Variants in AGBL1 observed in about 807,000 individuals in gnomAD.
The protein encoded by AGBL1 is AGBL carboxypeptidase 1, also known as cytosolic carboxypeptidase 4.
In AGBL1, 130 loss-of-function variants were observed where a neutral mutation model predicts 118.9. The ratio of observed to expected loss-of-function variants is 1.09; its 90% CI spans 0.95 to 1.26. The LOEUF is 1.26. Among genes scored for constraint, AGBL1 ranks in the 50% most tolerant of loss-of-function variants. The pLI, the probability that AGBL1 is intolerant of heterozygous loss-of-function variation, is 0.00. For missense variants in AGBL1, 1,584 were observed against 1,298.1 expected, an observed-to-expected ratio of 1.22 and a Z score of -3.38; for synonymous variants, 555 against 478.9, an observed-to-expected ratio of 1.16 and a Z score of -2.08.
intron 21 of AGBL1, among the ~76,000 whole-genome samples, chr15:86,607,357 T>G (rs1435306309): frequency 6.6e-6 from 1 of 152,246 alleles, no homozygotes; most frequent in African/African-American, 2.4e-5. Context: ...TGAATGAACC[T>G]CCTCTTGAAT....
chr15:86,148,134 G>A (rs372437621), intron 3 of AGBL1, among the ~76,000 whole-genome samples: 1 of 152,312 alleles, frequency 6.6e-6, no homozygotes, highest in East Asian at 1.9e-4. Context: ...GATCACCAAC[G>A]TCAAAGACCA....
At chr15:86,614,804 G>C (rs1353131024) in intron 21 of AGBL1, among the ~76,000 whole-genome samples, 1 of 152,186 alleles carries the variant, frequency 6.6e-6, no homozygotes, top group South Asian at 2.1e-4. Context: ...GAAAAAACCA[G>C]ATTGTCATAT....
In AGBL1 at chr15:86,186,349, A is replaced by G. The variant is rs563744513; in HGVS notation, c.488+27323A>G. ...TGTAACAAACCTGCATATCTTGCAC[A>G]TGTATCCCGGAACTTAAAATAAAAG... On this transcript the variant is annotated intron_variant, in intron 5 of 22. Coordinates refer to ENST00000614907, the MANE Select transcript of AGBL1 (RefSeq NM_001386094.1). 6.6e-5 allele frequency among the ~76,000 whole-genome samples: 10 copies of G among 152,352 alleles called. No individual in the cohort carries two copies. In the South Asian group the frequency reaches 1.7e-3, roughly 25 times the overall value.
At position 86,941,550 on chromosome 15, in the gene AGBL1, C is replaced by T. The variant is rs140360101; in HGVS notation, c.3222-46437C>T. Among the ~76,000 whole-genome samples the T allele has an allele frequency of 5.3e-5, 8 of 152,282 alleles. No homozygotes were observed. In the East Asian group the frequency reaches 1.5e-3, roughly 29 times the overall value. The stretch of plus-strand genomic sequence containing the variant: ...CTGAGATCCAACCTGGCTGGAGAGG[C>T]CATTTTGTGGCTCATGATGGCAGAG... On this transcript the variant is annotated intron_variant, in intron 23 of 24. Coordinates refer to the AGBL1 transcript ENST00000441037.
At chr15:86,507,811 G>T (rs909616324) in intron 18 of AGBL1, among the ~76,000 whole-genome samples, 1 of 152,052 alleles carries the variant, frequency 6.6e-6, no homozygotes, top group Admixed American at 6.6e-5. Context: ...GTTATACTTG[G>T]TTTCTGTATA....
intron 21 of AGBL1, among the ~76,000 whole-genome samples, chr15:86,602,035 C>T (rs1382058863): frequency 2.0e-5 from 3 of 151,996 alleles, no homozygotes; most frequent in African/African-American, 2.4e-5. Context: ...TGTTCTCTCC[C>T]TCCCTTCCTT....
chr15:87,023,929 G>A (rs1392831485), intron 24 of AGBL1, among the ~76,000 whole-genome samples: 1 of 151,866 alleles, frequency 6.6e-6, no homozygotes, highest in African/African-American at 2.4e-5. Flanking sequence ...AAAATTCTTT[G>A]AACTGAATGA....
chr15:86,192,072 C>A (rs2077731775), intron 5 of AGBL1, among the ~76,000 whole-genome samples: 1 of 151,672 alleles, frequency 6.6e-6, no homozygotes, highest in Non-Finnish European at 1.5e-5. Flanking sequence ...GTACTCTGTC[C>A]TGGGTGGCAG....
intron 22 of AGBL1, among the ~76,000 whole-genome samples, chr15:86,720,144 T>C (rs2086695512): frequency 6.6e-6 from 1 of 152,214 alleles, no homozygotes; most frequent in Admixed American, 6.5e-5. Context: ...CAGAGCCCCA[T>C]ACTTACATGG....
chr15:86,474,104 G>A (rs377383464), intron 18 of AGBL1, among the ~76,000 whole-genome samples: 36 of 152,304 alleles, frequency 2.4e-4, no homozygotes, highest in African/African-American at 8.4e-4. Context: ...GAGGTTCCAA[G>A]ATGGCCAAAT....
intron 1 of AGBL1, among the ~76,000 whole-genome samples, chr15:86,104,637 G>T (rs570870712): frequency 6.6e-6 from 1 of 152,202 alleles, no homozygotes; most frequent in African/African-American, 2.4e-5. Context: ...TGCCCTGGAG[G>T]CAGCAGCCAG....
chr15:86,450,637 T>A (rs8031952), intron 18 of AGBL1, among the ~76,000 whole-genome samples: 100,747 of 152,100 alleles, frequency 0.66, 35,060 homozygotes, highest in East Asian at 0.87. Flanking sequence ...GGTCAAAATA[T>A]TAGAATTGGG....
At chr15:86,382,571 A>C (rs1430602370) in intron 17 of AGBL1, among the ~76,000 whole-genome samples, 2 of 152,082 alleles carry the variant, frequency 1.3e-5, no homozygotes, top group African/African-American at 2.4e-5. Flanking sequence ...AGCAACTGGA[A>C]ATCTGAAATA....
At chr15:86,582,266 C>T (rs2084181683) in intron 21 of AGBL1, among the ~76,000 whole-genome samples, 2 of 152,138 alleles carry the variant, frequency 1.3e-5, no homozygotes, top group Admixed American at 6.6e-5. Context: ...AAAAGAAAGA[C>T]TTGGTTATCT....
intron 5 of AGBL1, among the ~76,000 whole-genome samples, chr15:86,168,879 AAG>A (rs2077377263): frequency 6.6e-6 from 1 of 152,242 alleles, no homozygotes; most frequent in Non-Finnish European, 1.5e-5. Context: ...GAATATTTTT[AAG>A]AGTTTCTCTG....
At chr15:86,886,314 G>A (rs1423318568) in intron 22 of AGBL1, among the ~76,000 whole-genome samples, 2 of 152,172 alleles carry the variant, frequency 1.3e-5, no homozygotes, top group African/African-American at 4.8e-5. Flanking sequence ...GTTATTTTGG[G>A]AAGAAATGGC....
intron 22 of AGBL1, among the ~76,000 whole-genome samples, chr15:86,718,226 A>T (rs1005626820): frequency 6.6e-6 from 1 of 152,212 alleles, no homozygotes; most frequent in African/African-American, 2.4e-5. Context: ...TGTTGAGTTC[A>T]TGTCTTTTGT....
intron 21 of AGBL1, among the ~76,000 whole-genome samples, chr15:86,619,361 C>G (rs1203759616): frequency 6.6e-6 from 1 of 152,182 alleles, no homozygotes; most frequent in Non-Finnish European, 1.5e-5. Flanking sequence ...CCCCTGACTT[C>G]CACTTCTTCC....
intron 19 of AGBL1, among the ~76,000 whole-genome samples, chr15:86,535,554 T>G (rs1213042180): frequency 6.6e-6 from 1 of 152,220 alleles, no homozygotes; most frequent in Non-Finnish European, 1.5e-5. Flanking sequence ...TGCATTTTGG[T>G]AAAGGGATTT....
Sources: gnomAD v4.1 joint callset for allele counts (sites outside exome capture counted in the v4.1 genomes callset) on GRCh38, gnomAD v4.1.1 for gene constraint, MANE v1.5 for transcripts, NCBI Gene and HGNC (gene_info 2026-07-23, HGNC 2026-07-21) for gene names.